VNN1: variants seen among roughly 807,000 people sequenced by gnomAD.
VNN1 encodes the protein vanin 1.
Under a neutral mutation model 41.9 loss-of-function variants are expected in VNN1, and 29 were observed. That is an observed-to-expected ratio of 0.69 (90% CI 0.52 to 0.94). The LOEUF (loss-of-function observed/expected upper bound fraction) is 0.94. VNN1 is among the 40% of genes least tolerant of loss of function. VNN1 has a pLI of 0.00. For missense variants in VNN1, 637 were observed against 621.1 expected, an observed-to-expected ratio of 1.03 and a Z score of -0.27; for synonymous variants, 233 against 224.4, an observed-to-expected ratio of 1.04 and a Z score of -0.34.
rs1304468977 is a variant in VNN1 at position 132,681,534 on chromosome 6, C to T, written c.*1606G>A. The T allele has an allele frequency of 6.6e-6, 1 of 152,156 alleles. No homozygotes were observed. Among genetic ancestry groups the T allele is most frequent in the Non-Finnish European group, 1.5e-5 (1 of 68,028 alleles). The allele number at this position is 152,156 out of a possible 1,614,324, so 9.4% of individuals were successfully genotyped here. A position where few individuals can be genotyped will look rare whatever the true frequency, so the allele number is the denominator to read the frequency against. On this transcript the variant is annotated 3_prime_UTR_variant, in exon 7 of 7. Coordinates refer to ENST00000367928, the MANE Select transcript of VNN1 (RefSeq NM_004666.3). ...AATAGTTTGGGGGCAATTCATTACA[C>T]CACAAGGGAGACCTACTATAGTTGA...
intron 2 of VNN1, among the ~76,000 whole-genome samples, chr6:132,703,985 GA>G (rs750347053): frequency 1.3e-4 from 20 of 152,200 alleles, no homozygotes; most frequent in Admixed American, 5.2e-4. Flanking sequence ...TAATGATAAA[GA>G]GGTCAATTCT....
intron 5 of VNN1, among the ~76,000 whole-genome samples, chr6:132,689,595 C>A (rs1167248981): frequency 1.3e-5 from 2 of 152,116 alleles, no homozygotes. Context: ...TCCTTTATTT[C>A]TTAATTGTAT....
chr6:132,684,724 A>G (rs1778182730), intron 5 of VNN1, among the ~76,000 whole-genome samples: 1 of 152,098 alleles, frequency 6.6e-6, no homozygotes, highest in Non-Finnish European at 1.5e-5. Context: ...ATGCTCTTAA[A>G]AAAAAAACAT....
chr6:132,711,001 G>A (rs985730063), intron 2 of VNN1, among the ~76,000 whole-genome samples: 1 of 152,168 alleles, frequency 6.6e-6, no homozygotes, highest in Admixed American at 6.5e-5. Context: ...GTGTAAAAGA[G>A]TTCCCCTTTC....
Position 132,692,469 on chromosome 6 carries a change from C to G in VNN1, c.942G>C (p.Val314=), listed in dbSNP as rs773992314. The G allele has an allele frequency of 3.7e-6, 6 of 1,614,026 alleles. No individual in the cohort carries two copies. The South Asian group carries it at 5.5e-5, about 15-fold the overall frequency. ...LDSHPSHSAV[V]NWTSYASSIE... ...TACTGCTGGCATAGGAAGTCCAGTT[C>G]ACCACTGCAGAATGGGATGGGTGGG... The change falls in exon 5 of 7, where the codon GTG becomes GTC. Residue 314 remains valine, a synonymous_variant. Coordinates refer to ENST00000367928, the MANE Select transcript of VNN1 (RefSeq NM_004666.3).
intron 4 of VNN1, 92 bp downstream of exon 4, chr6:132,692,932 T>G (rs1778312986): frequency 7.3e-7 from 1 of 1,364,104 alleles, no homozygotes; most frequent in Non-Finnish European, 9.8e-7. Context: ...AAACATTGTA[T>G]TAAGGAGTAT....
chr6:132,713,722 T>C, intron 1 of VNN1, 104 bp downstream of exon 1: 1 of 1,242,320 alleles, frequency 8.0e-7, no homozygotes, highest in Non-Finnish European at 1.1e-6. Context: ...CTCTGATACA[T>C]ATATCATCTA....
In VNN1 at chr6:132,693,141, C is replaced by T. The variant is rs1348309339; in HGVS notation, c.709G>A (p.Ala237Thr). 1 of 1,613,902 alleles carries T rather than the reference C, an allele frequency of 6.2e-7. No homozygotes were observed. The highest frequency in any genetic ancestry group is 1.3e-5 in the African/African-American group (1 of 74,884). Reference sequence around the variant, plus strand: ...AAATGTGGCAAAACATTCATCCAAGCTGTTGGGAATACTATGGTGTCCACG... The same window carrying T: ...AAATGTGGCAAAACATTCATCCAAGTTGTTGGGAATACTATGGTGTCCACG... The part of the protein sequence containing the change: ...FHVDTIVFPT[A>T]WMNVLPHLSA... The change falls in exon 4 of 7, where the codon GCT (alanine) becomes ACT (threonine). Residue 237 changes from alanine to threonine, a missense_variant. Transcript: ENST00000367928.
chr6:132,693,838 T>C, intron 3 of VNN1, 152 bp downstream of exon 3: 1 of 904,508 alleles, frequency 1.1e-6, no homozygotes, highest in South Asian at 1.7e-5. Context: ...AGCCTCTTTA[T>C]AGGAGCTTTC....
At chr6:132,709,674 A>T (rs1043844722) in intron 2 of VNN1, among the ~76,000 whole-genome samples, 2 of 104,940 alleles carry the variant, frequency 1.9e-5, no homozygotes, top group South Asian at 6.0e-4. Context: ...AAAAAAAAAA[A>T]AGAGAGAGAG....
At position 132,693,295 on chromosome 6, in the gene VNN1, T is replaced by C; in HGVS notation, c.555A>G (p.Glu185=). The C allele has an allele frequency of 6.2e-7, 1 of 1,605,400 alleles. No homozygotes were observed. Among genetic ancestry groups the C allele is most frequent in the Non-Finnish European group, 8.5e-7 (1 of 1,176,494 alleles). ...RYHKQNLFMG[E]NQFNVPKEPE... is the part of the protein sequence containing the mutation. ...GCTCCTTGGGTACATTGAATTGATT[T>C]TCACCCATGAAAAGGTTTTGCTGCA... The change falls in exon 4 of 7, where the codon GAA becomes GAG. Residue 185 remains glutamate, a synonymous_variant. Coordinates refer to ENST00000367928, the MANE Select transcript of VNN1 (RefSeq NM_004666.3).
chr6:132,699,276 G>A (rs2745441), intron 2 of VNN1: 88,899 of 217,442 alleles, frequency 0.41, 19,711 homozygotes, highest in African/African-American at 0.6. Flanking sequence ...CTCATTCAAG[G>A]GAACTTGCCA....
At chr6:132,703,982 A>G (rs1408193341) in intron 2 of VNN1, among the ~76,000 whole-genome samples, 1 of 152,158 alleles carries the variant, frequency 6.6e-6, no homozygotes, top group Non-Finnish European at 1.5e-5. Context: ...ATATAATGAT[A>G]AAGAGGTCAA....
intron 5 of VNN1, among the ~76,000 whole-genome samples, chr6:132,685,354 C>T (rs73559721): frequency 0.028 from 4,237 of 152,302 alleles, 195 homozygotes; most frequent in African/African-American, 0.097. Context: ...ACTAAAGCAG[C>T]AGCCGCTAAC....
At chr6:132,699,479 T>C (rs1778420853) in intron 2 of VNN1, 2 of 163,258 alleles carry the variant, frequency 1.2e-5, no homozygotes, top group Non-Finnish European at 2.7e-5. Context: ...CATTCCAAGA[T>C]AAATGGTAGA....
chr6:132,697,167 G>A (rs921357355), intron 2 of VNN1, among the ~76,000 whole-genome samples: 5 of 151,958 alleles, frequency 3.3e-5, no homozygotes, highest in African/African-American at 1.2e-4. Flanking sequence ...CAGGGAGGAA[G>A]GAAGGAAGGA....
At position 132,705,686 on chromosome 6, in the gene VNN1, A is replaced by G. The variant is rs566789538; in HGVS notation, c.341+6023T>C. 1.7e-4 allele frequency among the ~76,000 whole-genome samples: 26 copies of G among 152,312 alleles called. No homozygotes were observed. In the South Asian group the frequency reaches 2.1e-3, roughly 12 times the overall value. On this transcript the variant is annotated intron_variant, in intron 2 of 6. Coordinates refer to ENST00000367928, the MANE Select transcript of VNN1 (RefSeq NM_004666.3). ...TCTCACTAAAGTAATCAGACAAGAG[A>G]AAGAAATAAAATGCATCCAAATTGG...
chr6:132,707,981 C>A (rs1414707939), intron 2 of VNN1, among the ~76,000 whole-genome samples: 1 of 152,014 alleles, frequency 6.6e-6, no homozygotes, highest in Non-Finnish European at 1.5e-5. Context: ...GGATGGAAAC[C>A]CCATTCTTCA....
At chr6:132,713,738 G>A (rs1395799268) in intron 1 of VNN1, 88 bp downstream of exon 1, 4 of 1,397,606 alleles carry the variant, frequency 2.9e-6, no homozygotes, top group Non-Finnish European at 3.9e-6. Context: ...ATCTAAAAGT[G>A]TAACTGACCC....
Sources: allele counts gnomAD v4.1 joint callset (sites outside exome capture counted in the v4.1 genomes callset), GRCh38; gene constraint gnomAD v4.1.1; transcripts MANE v1.5; gene names NCBI Gene and HGNC (gene_info 2026-07-23, HGNC 2026-07-21).